Variants in GALNT13 observed in about 807,000 individuals in gnomAD.
GALNT13 encodes the protein polypeptide N-acetylgalactosaminyltransferase 13.
Under a neutral mutation model 64.2 loss-of-function variants are expected in GALNT13, and 28 were observed. The ratio of observed to expected loss-of-function variants is 0.44; its 90% CI spans 0.32 to 0.60. GALNT13 has a LOEUF of 0.60. Among genes scored for constraint, GALNT13 ranks in the 20% least tolerant of loss-of-function variants. The probability of loss-of-function intolerance (pLI) is 0.05; values close to 1 mark genes in which losing one functional copy is unlikely to be tolerated. For missense variants in GALNT13, 577 were observed against 669.8 expected, an observed-to-expected ratio of 0.86 and a Z score of 1.53; for synonymous variants, 214 against 224.6, an observed-to-expected ratio of 0.95 and a Z score of 0.42.
chr2:154,197,856 A>G (rs983102364), intron 4 of GALNT13, among the ~76,000 whole-genome samples: 1 of 152,060 alleles, frequency 6.6e-6, no homozygotes, highest in East Asian at 1.9e-4. Flanking sequence ...ACATTGATCT[A>G]GTATAAAAGT....
At chr2:153,856,841 A>G in the GALNT13 span, among the ~76,000 whole-genome samples, 1 of 152,188 alleles carries the variant, frequency 6.6e-6, no homozygotes, top group Non-Finnish European at 1.5e-5. Flanking sequence ...ATCATTGATA[A>G]TAACCAATAC....
chr2:153,586,048 G>A, the GALNT13 span, among the ~76,000 whole-genome samples: 1 of 151,910 alleles, frequency 6.6e-6, no homozygotes, highest in African/African-American at 2.4e-5. Context: ...AAAACTCACT[G>A]GTAAAGAAGT....
At chr2:153,759,239 C>T in the GALNT13 span, among the ~76,000 whole-genome samples, 1 of 152,046 alleles carries the variant, frequency 6.6e-6, no homozygotes, top group Non-Finnish European at 1.5e-5. Context: ...CATGTCATCA[C>T]CAAACATGAA....
the GALNT13 span, among the ~76,000 whole-genome samples, chr2:153,516,896 A>T: frequency 6.6e-6 from 1 of 151,936 alleles, no homozygotes; most frequent in Non-Finnish European, 1.5e-5. Flanking sequence ...GTGCTCTCTT[A>T]TCCTCCCCAC....
chr2:153,808,172 C>A, the GALNT13 span, among the ~76,000 whole-genome samples: 1 of 152,100 alleles, frequency 6.6e-6, no homozygotes, highest in South Asian at 2.1e-4. Context: ...ATACTGGCAG[C>A]TTTTGGGGGC....
At chr2:153,209,756 A>G in the GALNT13 span, among the ~76,000 whole-genome samples, 127,618 of 152,062 alleles carry the variant, frequency 0.84, 54,745 homozygotes, top group African/African-American at 0.93. Flanking sequence ...CAATTTGGGA[A>G]GAATTAACTA....
the GALNT13 span, among the ~76,000 whole-genome samples, chr2:153,475,967 T>C: frequency 6.6e-6 from 1 of 152,182 alleles, no homozygotes; most frequent in Non-Finnish European, 1.5e-5. Context: ...TCCTGTCGGT[T>C]AGCAAAAGTA....
At chr2:154,225,722 G>C (rs1174633552) in intron 4 of GALNT13, among the ~76,000 whole-genome samples, 1 of 152,028 alleles carries the variant, frequency 6.6e-6, no homozygotes, top group Admixed American at 6.6e-5. Flanking sequence ...CAGGATAAAA[G>C]CCCAAAGATA....
the GALNT13 span, among the ~76,000 whole-genome samples, chr2:153,798,418 A>G: frequency 6.6e-6 from 1 of 152,180 alleles, no homozygotes; most frequent in African/African-American, 2.4e-5. Flanking sequence ...GTTTATTACT[A>G]TATATGTTCA....
intron 8 of GALNT13, among the ~76,000 whole-genome samples, chr2:154,267,781 A>G (rs922796967): frequency 2.6e-5 from 4 of 152,334 alleles, no homozygotes; most frequent in African/African-American, 9.6e-5. Flanking sequence ...AAAAACTCTC[A>G]AAACTCAGTA....
At position 154,452,515 on chromosome 2, in the gene GALNT13, T is replaced by C. The variant is rs1332800500; in HGVS notation, c.*1964T>C. ...TCATGTATACCATATGTTCCACTTA[T>C]TGCTTTGTTAGTCAAAATGCATGTT... On this transcript the variant is annotated 3_prime_UTR_variant, in exon 13 of 13. Transcript: ENST00000392825. 1.3e-5 allele frequency: 2 copies of C among 152,192 alleles called. No homozygotes were observed. The highest frequency in any genetic ancestry group is 2.4e-5 in the African/African-American group (1 of 41,448). 9.4% of individuals were successfully genotyped at this position (152,192 alleles called of 1,614,324 possible).
At chr2:153,813,947 TGCTCCCTG>T in the GALNT13 span, among the ~76,000 whole-genome samples, 1 of 152,190 alleles carries the variant, frequency 6.6e-6, no homozygotes. Flanking sequence ...GGCACTTTGG[TGCTCCCTG>T]ATGTAGTCTG....
intron 4 of GALNT13, among the ~76,000 whole-genome samples, chr2:154,235,758 C>T (rs1335078275): frequency 6.6e-6 from 1 of 152,026 alleles, no homozygotes; most frequent in Non-Finnish European, 1.5e-5. Flanking sequence ...AATCATGGAT[C>T]CTTTGTGATT....
At chr2:154,122,409 C>A (rs558798048) in intron 3 of GALNT13, among the ~76,000 whole-genome samples, 2 of 151,600 alleles carry the variant, frequency 1.3e-5, no homozygotes. Flanking sequence ...ACTATTTTTT[C>A]TGGTTTGGTA....
the GALNT13 span, among the ~76,000 whole-genome samples, chr2:153,358,298 T>C: frequency 6.6e-6 from 1 of 152,178 alleles, no homozygotes; most frequent in African/African-American, 2.4e-5. Flanking sequence ...TTTACCTGGA[T>C]GTAATAGCAA....
intron 3 of GALNT13, among the ~76,000 whole-genome samples, chr2:154,007,562 T>A (rs1190839560): frequency 6.6e-6 from 1 of 152,056 alleles, no homozygotes; most frequent in Non-Finnish European, 1.5e-5. Flanking sequence ...GAATATGTTG[T>A]TTATTCATCA....
the GALNT13 span, among the ~76,000 whole-genome samples, chr2:153,267,943 C>T: frequency 2.6e-5 from 4 of 152,136 alleles, no homozygotes; most frequent in African/African-American, 9.7e-5. Context: ...TAATTATCTC[C>T]ACCTGGTCCC....
chr2:153,409,378 A>G, the GALNT13 span, among the ~76,000 whole-genome samples: 1,027 of 123,336 alleles, frequency 8.3e-3, 15 homozygotes, highest in African/African-American at 0.029. Context: ...ATATGTGTGT[A>G]TATATATATA....
At chr2:153,305,338 A>G in the GALNT13 span, among the ~76,000 whole-genome samples, 1 of 152,164 alleles carries the variant, frequency 6.6e-6, no homozygotes, top group African/African-American at 2.4e-5. Context: ...TTCTAGGAGT[A>G]TCTGTCATCA....
Sources: allele counts gnomAD v4.1 joint callset (sites outside exome capture counted in the v4.1 genomes callset), GRCh38; gene constraint gnomAD v4.1.1; transcripts MANE v1.5; gene names NCBI Gene and HGNC (gene_info 2026-07-23, HGNC 2026-07-21).